Variants in LAMC2 observed in about 807,000 individuals in gnomAD.
The protein encoded by LAMC2 is laminin subunit gamma 2.
LAMC2 carries 97 observed loss-of-function variants against 140.2 expected under a neutral mutation model. The observed-to-expected ratio is 0.69, with a 90% CI of 0.59 to 0.82. The LOEUF is 0.82. Ranked by LOEUF, LAMC2 falls within the 40% of genes least tolerant of loss-of-function variation. LAMC2 has a pLI of 0.00. For synonymous variants in LAMC2, 513 were observed against 540.2 expected (o/e 0.95, Z 0.70); for missense variants, 1,402 against 1,476.1 (o/e 0.95, Z 0.82).
chr1:183,240,107 T>G lies in LAMC2; in HGVS notation c.3137T>G (p.Leu1046Arg). 1 of 1,614,150 alleles carries G rather than the reference T, an allele frequency of 6.2e-7. No individual in the cohort carries two copies. The highest frequency in any genetic ancestry group is 8.5e-7 in the Non-Finnish European group (1 of 1,180,010). ...GGAGCCTTGGCCATGGAAAAGGGACTGGCCTCTCTGAAGAGTGAGATGAGG... is the reference window on the plus strand; with the variant it reads ...GGAGCCTTGGCCATGGAAAAGGGACGGGCCTCTCTGAAGAGTGAGATGAGG... ...ADGALAMEKG[L>R]ASLKSEMREV... Residue 1046 changes from leucine to arginine, a missense_variant, in exon 21 of 23, where the codon CTG becomes CGG. This residue lies in a region of LAMC2 where 670 missense variants were observed against 667.2 expected (regional missense o/e 1.00). Transcript: ENST00000264144.
chr1:183,240,172 G>C lies in LAMC2; in HGVS notation c.3202G>C (p.Asp1068His). The change falls in exon 21 of 23, where the codon GAC becomes CAC. Residue 1068 changes from aspartate (D) to histidine (H), a missense_variant. By Grantham distance (81) the Asp-to-His change is moderately conservative. Around this residue, in one of 3 missense-constraint regions of LAMC2, gnomAD observed 670 missense variants for 667.2 expected, o/e 1.00. Coordinates refer to ENST00000264144, the MANE Select transcript of LAMC2 (RefSeq NM_005562.3). ...GCTGGAAAGGAAGGAGCTGGAGTTT[G>C]ACACGAATATGGATGCAGTACAGAT... ...GELERKELEF[D>H]TNMDAVQMVI... The C allele has an allele frequency of 6.2e-7, 1 of 1,614,218 alleles. No individual in the cohort carries two copies. The highest frequency in any genetic ancestry group is 8.5e-7 in the Non-Finnish European group (1 of 1,180,038).
Position 183,232,604 on chromosome 1 carries a change from A to G in LAMC2, c.2015-48A>G, listed in dbSNP as rs2296304. 8.5e-4 allele frequency: 1,296 copies of G among 1,529,520 alleles called. 19 individuals carry two copies. The East Asian group carries it at 0.026, about 30-fold the overall frequency. The allele number at this position is 1,529,520 out of a possible 1,614,324, so 94.7% of individuals were successfully genotyped here. A position where few individuals can be genotyped will look rare whatever the true frequency, so the allele number is the denominator to read the frequency against. On this transcript the variant is annotated intron_variant, in intron 13 of 22. Transcript: ENST00000264144. ...ACCCTCCGTTATGTTTGCTAACTCT[A>G]TGCTGACCCAGAAAGTGCTCATGCT...
chr1:183,249,436 A>ATGAT (rs1313821920), downstream of LAMC2: 10 of 152,336 alleles, frequency 6.6e-5, no homozygotes, highest in African/African-American at 2.2e-4. Flanking sequence ...CCCTCTGGAC[A>ATGAT]TGATTGTTCC....
intron 1 of LAMC2, among the ~76,000 whole-genome samples, chr1:183,202,090 A>C (rs1658724043): frequency 6.6e-6 from 1 of 152,052 alleles, no homozygotes; most frequent in African/African-American, 2.4e-5. Flanking sequence ...GATGCTCGGG[A>C]GGCTGAGGCA....
At chr1:183,206,729 C>G (rs1349286827) in intron 1 of LAMC2, among the ~76,000 whole-genome samples, 1 of 151,900 alleles carries the variant, frequency 6.6e-6, no homozygotes, top group African/African-American at 2.4e-5. Flanking sequence ...GGGAGCCACT[C>G]AGCAGGTGAT....
At chr1:183,194,241 C>G (rs1658441790) in intron 1 of LAMC2, among the ~76,000 whole-genome samples, 1 of 135,996 alleles carries the variant, frequency 7.4e-6, no homozygotes, top group African/African-American at 3.1e-5. Flanking sequence ...TTTAATTCAT[C>G]TTTTTTCTGA....
At chr1:183,211,421 T>C (rs1284448431) in intron 2 of LAMC2, among the ~76,000 whole-genome samples, 2 of 152,214 alleles carry the variant, frequency 1.3e-5, no homozygotes, top group Non-Finnish European at 2.9e-5. Context: ...TTAAAACATG[T>C]TTTTAAATGC....
chr1:183,241,731 G>A (rs1660139655), intron 22 of LAMC2, among the ~76,000 whole-genome samples: 1 of 151,730 alleles, frequency 6.6e-6, no homozygotes, highest in Non-Finnish European at 1.5e-5. Flanking sequence ...GGTCTGCTTT[G>A]TGATCCAATG....
chr1:183,204,470 AC>A (rs963689593), intron 1 of LAMC2, among the ~76,000 whole-genome samples: 2 of 144,310 alleles, frequency 1.4e-5, no homozygotes, highest in African/African-American at 2.7e-5. Flanking sequence ...AAAAAAAAAA[AC>A]CACTACAAAA....
At position 183,231,006 on chromosome 1, in the gene LAMC2, G is replaced by A. The variant is rs368265906; in HGVS notation, c.1760G>A (p.Ser587Asn). Residue 587 changes from serine to asparagine, a missense_variant, in exon 12 of 23, where the codon AGT (serine) becomes AAT (asparagine). Ser to Asn is a conservative substitution (Grantham distance 46). Around this residue, in one of 3 missense-constraint regions of LAMC2, gnomAD observed 723 missense variants for 783.3 expected, o/e 0.92. Transcript: ENST00000264144. ...PMGSEPVGCR[S>N]DGTCVCKPGF... Reference sequence around the variant, plus strand: ...GGCTCAGAGCCTGTAGGATGTCGAAGTGATGGCACCTGTGTTTGCAAGCCA... The same window carrying A: ...GGCTCAGAGCCTGTAGGATGTCGAAATGATGGCACCTGTGTTTGCAAGCCA... 6 of 1,614,196 alleles carry A rather than the reference G, an allele frequency of 3.7e-6. No individual in the cohort carries two copies. The highest frequency in any genetic ancestry group is 1.7e-5 in the Admixed American group (1 of 60,016).
intron 4 of LAMC2, 80 bp downstream of exon 4, chr1:183,218,568 T>C (rs1377356204): frequency 9.1e-7 from 1 of 1,103,664 alleles, no homozygotes; most frequent in Non-Finnish European, 1.4e-6. Context: ...CCGAGTGTAA[T>C]TATGGAAAAG....
chr1:183,258,063 T>C, the LAMC2 span, among the ~76,000 whole-genome samples: 1 of 152,332 alleles, frequency 6.6e-6, no homozygotes, highest in South Asian at 2.1e-4. Context: ...GTATGAATTC[T>C]CTTCCAGGGA....
chr1:183,220,002 GAA>G (rs1206198286), intron 4 of LAMC2, among the ~76,000 whole-genome samples: 1 of 152,216 alleles, frequency 6.6e-6, no homozygotes, highest in African/African-American at 2.4e-5. Context: ...TTAAATGAGA[GAA>G]CACACACAAG....
chr1:183,208,058 G>A lies in LAMC2; in HGVS notation c.257G>A (p.Cys86Tyr), dbSNP rs1451950343. The change falls in exon 2 of 23, where the codon TGT becomes TAT. Residue 86 changes from cysteine to tyrosine, a missense_variant. Physicochemically the swap from Cys to Tyr is radical, Grantham distance 194. Around this residue, in one of 3 missense-constraint regions of LAMC2, gnomAD observed 723 missense variants for 783.3 expected, o/e 0.92. Transcript: ENST00000264144. ...RERDRCLPCNCNSKGSLSARC... is the reference protein window; with the variant it reads ...RERDRCLPCNYNSKGSLSARC... ...AGGGACCGCTGTTTGCCCTGCAATT[G>A]TAACTCCAAAGGTAGCTGAAAAGGA... 8 of 1,613,996 alleles carry A rather than the reference G, an allele frequency of 5.0e-6. No individual in the cohort carries two copies. Among genetic ancestry groups the A allele is most frequent in the Non-Finnish European group, 6.8e-6 (8 of 1,179,958 alleles).
chr1:183,230,183 T>A (rs963272199), intron 11 of LAMC2, among the ~76,000 whole-genome samples: 23 of 152,192 alleles, frequency 1.5e-4, no homozygotes, highest in Admixed American at 6.5e-4. Flanking sequence ...CCATCCTTTA[T>A]CAAGCACATA....
At chr1:183,220,289 A>T (rs1383045940) in intron 4 of LAMC2, among the ~76,000 whole-genome samples, 1 of 152,064 alleles carries the variant, frequency 6.6e-6, no homozygotes, top group Non-Finnish European at 1.5e-5. Context: ...TTTCTTTGTC[A>T]TATCCTCACC....
chr1:183,245,220 T>C (rs1204301160), downstream of LAMC2, among the ~76,000 whole-genome samples: 1 of 152,220 alleles, frequency 6.6e-6, no homozygotes, highest in Non-Finnish European at 1.5e-5. Context: ...TAGTTTGTGG[T>C]GCATATGTCA....
intron 3 of LAMC2, among the ~76,000 whole-genome samples, chr1:183,216,936 T>G (rs2102212715): frequency 6.6e-6 from 1 of 152,298 alleles, no homozygotes; most frequent in South Asian, 2.1e-4. Context: ...CCTATTTCTC[T>G]TAGCATCCCC....
chr1:183,257,383 G>A, the LAMC2 span, among the ~76,000 whole-genome samples: 1 of 152,172 alleles, frequency 6.6e-6, no homozygotes, highest in East Asian at 1.9e-4. Context: ...GGAGGTTGCA[G>A]TGAGCCAAGA....
Sources: allele counts gnomAD v4.1 joint callset (sites outside exome capture counted in the v4.1 genomes callset), GRCh38; gene constraint gnomAD v4.1.1; regional missense constraint gnomAD v4.1.1; transcripts MANE v1.5; gene names NCBI Gene and HGNC (gene_info 2026-07-23, HGNC 2026-07-21).